The following UPK3A variants were observed in gnomAD, a reference collection of about 807,000 sequenced individuals.
UPK3A encodes the protein uroplakin-3a.
UPK3A carries 32 observed loss-of-function variants against 27.6 expected under a neutral mutation model. The observed-to-expected ratio is 1.16, with a 90% CI of 0.87 to 1.55. The LOEUF (loss-of-function observed/expected upper bound fraction) is 1.55, where lower values mean the gene tolerates loss of function less well. Among genes scored for constraint, UPK3A ranks in the 40% most tolerant of loss-of-function variants. The probability of loss-of-function intolerance (pLI) is 0.00; values close to 1 mark genes in which losing one functional copy is unlikely to be tolerated. For synonymous variants in UPK3A, 171 were observed against 163.9 expected (o/e 1.04, Z -0.33); for missense variants, 370 against 367.9 (o/e 1.01, Z -0.05).
chr22:45,288,924 C>G, intron 3 of UPK3A, 137 bp from the exon 4 acceptor site: 1 of 796,326 alleles, frequency 1.3e-6, no homozygotes, highest in East Asian at 2.7e-5. Context: ...CGCTCAGTAG[C>G]CGTCTACATT....
chr22:45,292,943 AAGAG>A (rs1569106432), intron 4 of UPK3A, among the ~76,000 whole-genome samples: 6 of 151,962 alleles, frequency 3.9e-5, no homozygotes, highest in African/African-American at 1.5e-4. Flanking sequence ...AAAAAAAAAA[AAGAG>A]AAGAAAGAGT....
chr22:45,289,069 A>G lies in UPK3A; in HGVS notation c.497A>G (p.Tyr166Cys), dbSNP rs1329225774. The G allele has an allele frequency of 6.2e-7, 1 of 1,613,722 alleles. No homozygotes were observed. Among genetic ancestry groups the G allele is most frequent in the Non-Finnish European group, 8.5e-7 (1 of 1,180,002 alleles). Residue 166 changes from tyrosine to cysteine, a missense_variant, in exon 4 of 6, where the codon TAT becomes TGT. Physicochemically the swap from Tyr to Cys is radical, Grantham distance 194. Transcript: ENST00000216211. ...GCTCCGTCTCCTTCCAGGTTCAAGT[A>G]TGTCCTGGTCAATATGTCCACGGGC... ...LSAATEYRFK[Y>C]VLVNMSTGLV...
At chr22:45,295,134 C>A in intron 5 of UPK3A, among the ~76,000 whole-genome samples, 1 of 152,088 alleles carries the variant, frequency 6.6e-6, no homozygotes, top group East Asian at 1.9e-4. Flanking sequence ...TCCCAAAGTG[C>A]TGGGATTACA....
chr22:45,289,196 G>T (rs1408437546), intron 4 of UPK3A, 53 bp downstream of exon 4: 24 of 1,578,632 alleles, frequency 1.5e-5, no homozygotes, highest in Non-Finnish European at 2.1e-5. Flanking sequence ...GAGAAGGCGG[G>T]GCCAGCCACG....
intron 4 of UPK3A, among the ~76,000 whole-genome samples, chr22:45,291,673 G>A (rs2084162518): frequency 6.6e-6 from 1 of 150,660 alleles, no homozygotes; most frequent in Admixed American, 6.6e-5. Flanking sequence ...GTGTGTGTGA[G>A]TTGGTATGTG....
At chr22:45,292,879 G>A (rs1476138772) in intron 4 of UPK3A, among the ~76,000 whole-genome samples, 4 of 151,890 alleles carry the variant, frequency 2.6e-5, no homozygotes, top group African/African-American at 9.7e-5. Flanking sequence ...CTGCACTCAT[G>A]GCTGGGTGAC....
At chr22:45,287,779 C>T (rs1018545501) in intron 3 of UPK3A, among the ~76,000 whole-genome samples, 1 of 152,176 alleles carries the variant, frequency 6.6e-6, no homozygotes, top group Non-Finnish European at 1.5e-5. Flanking sequence ...TCTCTTGCCT[C>T]AGCCTCCCGA....
rs1186676874 is a variant in UPK3A at position 45,285,107 on chromosome 22, C to T, written c.52+42C>T. 5 of 1,522,130 alleles carry T rather than the reference C, an allele frequency of 3.3e-6. No individual in the cohort carries two copies. In the South Asian group the frequency reaches 6.0e-5, roughly 18 times the overall value. 94.3% of individuals were successfully genotyped at this position (1,522,130 alleles called of 1,614,324 possible). A position where few individuals can be genotyped will look rare whatever the true frequency, so the allele number is the denominator to read the frequency against. ...AGGAGGGGGCTGAGCCCAGAAAGAG[C>T]GGGCAGCTCTGCCCTGGGGCGCCCG... On this transcript the variant is annotated intron_variant, in intron 1 of 5. Coordinates refer to ENST00000216211, the MANE Select transcript of UPK3A (RefSeq NM_006953.4).
rs370035078 is a variant in UPK3A, at chr22:45,295,690, G to A, written c.835G>A (p.Glu279Lys). 4 of 1,613,888 alleles carry A rather than the reference G, an allele frequency of 2.5e-6. No individual in the cohort carries two copies. The African/African-American group carries it at 5.3e-5, about 22-fold the overall frequency. ...VNRGPPLDRA[E>K]VYSSKLQD is the part of the protein sequence containing the mutation. ...CCGGGGGCCGCCACTGGACAGGGCT[G>A]AGGTGTATTCCAGCAAGCTCCAAGA... The change falls in exon 6 of 6, where the codon GAG (glutamate) becomes AAG (lysine). Residue 279 changes from glutamate to lysine, a missense_variant. Physicochemically the swap from Glu to Lys is moderately conservative, Grantham distance 56. Transcript: ENST00000216211.
At chr22:45,286,727 A>G (rs2084120692) in intron 2 of UPK3A, among the ~76,000 whole-genome samples, 1 of 152,290 alleles carries the variant, frequency 6.6e-6, no homozygotes, top group Non-Finnish European at 1.5e-5. Context: ...CGGGCACTGT[A>G]GGGAATTTCT....
chr22:45,293,098 C>CG (rs2084172333), intron 4 of UPK3A, 83 bp from the exon 5 acceptor site: 2 of 1,587,910 alleles, frequency 1.3e-6, no homozygotes, highest in African/African-American at 2.7e-5. Flanking sequence ...GCAGCCAGGG[C>CG]GGGGGAGACA....
Position 45,289,045 on chromosome 22 carries a change from C to G in UPK3A, c.489-16C>G, listed in dbSNP as rs1278407327. The G allele has an allele frequency of 6.2e-7, 1 of 1,613,256 alleles. No individual in the cohort carries two copies. Among genetic ancestry groups the G allele is most frequent in the Non-Finnish European group, 8.5e-7 (1 of 1,179,812 alleles). Reference sequence around the variant, plus strand: ...ACAGGAAGCATAAAAGTCACCCTGGCTCCGTCTCCTTCCAGGTTCAAGTAT... The same window carrying G: ...ACAGGAAGCATAAAAGTCACCCTGGGTCCGTCTCCTTCCAGGTTCAAGTAT... On this transcript the variant is annotated splice_polypyrimidine_tract_variant and intron_variant, in intron 3 of 5. Transcript: ENST00000216211.
chr22:45,292,801 G>T (rs1464553810), intron 4 of UPK3A, among the ~76,000 whole-genome samples: 1 of 152,062 alleles, frequency 6.6e-6, no homozygotes, highest in Middle Eastern at 3.2e-3. Context: ...CCGGCTGCTT[G>T]GGAGGCTGGG....
chr22:45,285,156 G>T (rs1232253837), intron 1 of UPK3A, 91 bp downstream of exon 1: 7 of 1,229,484 alleles, frequency 5.7e-6, no homozygotes, highest in Non-Finnish European at 7.9e-6. Context: ...GATTCCTGGC[G>T]CTGGGGACCC....
chr22:45,287,583 G>A, intron 3 of UPK3A, 132 bp downstream of exon 3: 1 of 1,201,148 alleles, frequency 8.3e-7, no homozygotes, highest in Non-Finnish European at 1.2e-6. Context: ...GTTCCAGGCA[G>A]GCCACGCTGA....
chr22:45,290,643 C>T (rs2084153998), intron 4 of UPK3A, among the ~76,000 whole-genome samples: 1 of 151,796 alleles, frequency 6.6e-6, no homozygotes, highest in Non-Finnish European at 1.5e-5. Context: ...TGGTGTATAT[C>T]AGGGGTCCCC....
Position 45,295,544 on chromosome 22 carries a change from C to T in UPK3A, c.705-16C>T. ...TCTGGTCCCCTAATCCTGGGTCTTT[C>T]CATCCCCTTGGACAGGGACATGGGG... On this transcript the variant is annotated splice_polypyrimidine_tract_variant and intron_variant, in intron 5 of 5. Transcript: ENST00000216211. The T allele has an allele frequency of 6.2e-7, 1 of 1,614,094 alleles. No individual in the cohort carries two copies. Among genetic ancestry groups the T allele is most frequent in the Non-Finnish European group, 8.5e-7 (1 of 1,180,024 alleles).
Position 45,287,456 on chromosome 22 carries a change from G to T in UPK3A, c.488+5G>T, listed in dbSNP as rs747147102. On this transcript the variant is annotated splice_donor_5th_base_variant and intron_variant, in intron 3 of 5. Coordinates refer to ENST00000216211, the MANE Select transcript of UPK3A (RefSeq NM_006953.4). Reference sequence around the variant, plus strand: ...GTCGGCAGCCACGGAGTACAGGTGGGTGTAAACAAACCACTACAGGAGAGC... The same window carrying T: ...GTCGGCAGCCACGGAGTACAGGTGGTTGTAAACAAACCACTACAGGAGAGC... The T allele has an allele frequency of 1.3e-6, 2 of 1,586,756 alleles. No homozygotes were observed. The highest frequency in any genetic ancestry group is 1.3e-5 in the African/African-American group (1 of 74,470).
At position 45,289,148 on chromosome 22, in the gene UPK3A, G is replaced by A. The variant is rs768221278; in HGVS notation, c.571+5G>A. The A allele has an allele frequency of 1.2e-6, 2 of 1,613,700 alleles. No individual in the cohort carries two copies. The highest frequency in any genetic ancestry group is 1.7e-6 in the Non-Finnish European group (2 of 1,179,816). On this transcript the variant is annotated splice_donor_5th_base_variant and intron_variant, in intron 4 of 5. Coordinates refer to ENST00000216211, the MANE Select transcript of UPK3A (RefSeq NM_006953.4). ...ACCCCATCCGCACCAACCAGCGTAA[G>A]TGGTGGGCAGTGGTGGTGGTGATGC...
Sources: gnomAD v4.1 joint callset for allele counts (sites outside exome capture counted in the v4.1 genomes callset) on GRCh38, gnomAD v4.1.1 for gene constraint, MANE v1.5 for transcripts, NCBI Gene and HGNC (gene_info 2026-07-23, HGNC 2026-07-21) for gene names.